PMS1: variants seen among roughly 807,000 people sequenced by gnomAD.
PMS1 encodes the protein PMS1 protein homolog 1.
In PMS1, 79 loss-of-function variants were observed where a neutral mutation model predicts 93.1. That is an observed-to-expected ratio of 0.85 (90% CI 0.71 to 1.02). PMS1 has a LOEUF of 1.02. Among genes scored for constraint, PMS1 ranks in the 50% least tolerant of loss-of-function variants. The pLI, the probability that PMS1 is intolerant of heterozygous loss-of-function variation, is 0.00. For missense variants in PMS1, 1,064 were observed against 1,085.3 expected, an observed-to-expected ratio of 0.98 and a Z score of 0.28; for synonymous variants, 335 against 363.4, an observed-to-expected ratio of 0.92 and a Z score of 0.89.
intron 10 of PMS1, among the ~76,000 whole-genome samples, chr2:189,866,880 A>C (rs544428156): frequency 1.6e-3 from 247 of 152,336 alleles, no homozygotes; most frequent in African/African-American, 5.9e-3. Context: ...ACAGTATCAT[A>C]ATCATCACCA....
rs538298219 is a variant in PMS1, at chr2:189,847,410, C to T, written c.699+3330C>T. 2.8e-4 allele frequency among the ~76,000 whole-genome samples: 42 copies of T among 151,866 alleles called. No individual in the cohort carries two copies. The South Asian group carries it at 3.7e-3, about 14-fold the overall frequency. On this transcript the variant is annotated intron_variant, in intron 6 of 12. Transcript: ENST00000441310. The stretch of plus-strand genomic sequence containing the variant: ...TCCTATTGTTTTTTCTCAGGTTTCC[C>T]GTCTTTAATTTTTTCCATAAGTTTT...
chr2:189,873,423 A>G (rs2057313787), intron 11 of PMS1, 73 bp from the exon 12 acceptor site: 11 of 1,001,012 alleles, frequency 1.1e-5, no homozygotes, highest in Admixed American at 3.8e-5. Context: ...ATGTTTTAAC[A>G]GCAATTTTTG....
Position 189,877,626 on chromosome 2 carries a change from T to C in PMS1, c.*190T>C. 1.8e-6 allele frequency: 1 copy of C among 543,566 alleles called. No individual in the cohort carries two copies. The highest frequency in any genetic ancestry group is 3.3e-6 in the Non-Finnish European group (1 of 303,984). The allele number at this position is 543,566 out of a possible 1,614,324, so 33.7% of individuals were successfully genotyped here. On this transcript the variant is annotated 3_prime_UTR_variant, in exon 13 of 13. Coordinates refer to ENST00000441310, the MANE Select transcript of PMS1 (RefSeq NM_000534.5). ...AACGTAAATAAACTAATATAGACTA[T>C]TCATTTGATTCTCAAGAACCAACCA...
chr2:189,807,515 C>G (rs1265294083), intron 4 of PMS1, among the ~76,000 whole-genome samples: 1 of 152,164 alleles, frequency 6.6e-6, no homozygotes, highest in Non-Finnish European at 1.5e-5. Context: ...TTGAAGTAAT[C>G]TAGTCGCCTT....
chr2:189,851,221 T>G (rs972597949), intron 6 of PMS1, among the ~76,000 whole-genome samples: 5 of 152,198 alleles, frequency 3.3e-5, no homozygotes, highest in Non-Finnish European at 5.9e-5. Flanking sequence ...TAGTAATTAT[T>G]AAGTGGCCAA....
At chr2:189,855,279 C>A (rs2055190519) in intron 9 of PMS1, 151 bp downstream of exon 9, 1 of 643,758 alleles carries the variant, frequency 1.6e-6, no homozygotes, top group Non-Finnish European at 2.6e-6. Context: ...TTTTTGGTAA[C>A]ACTTTTTTTT....
rs777704189 is a variant in PMS1, at chr2:189,867,898, A to G, written c.2442A>G (p.Thr814=). The part of the protein sequence containing the change: ...GSTYLSDPRL[T]ANGFKIKLIP... Reference sequence around the variant, plus strand: ...CTTACCTGTCTGATCCTCGTCTTACAGCGAATGGTTTCAAGATAAAATTGA... The same window carrying G: ...CTTACCTGTCTGATCCTCGTCTTACGGCGAATGGTTTCAAGATAAAATTGA... Residue 814 remains threonine (T), a synonymous_variant, in exon 11 of 13, where the codon ACA becomes ACG. Transcript: ENST00000441310. 2 of 1,610,624 alleles carry G rather than the reference A, an allele frequency of 1.2e-6. No individual in the cohort carries two copies. The highest frequency in any genetic ancestry group is 1.7e-6 in the Non-Finnish European group (2 of 1,176,856).
intron 9 of PMS1, among the ~76,000 whole-genome samples, chr2:189,859,307 C>A (rs2055697925): frequency 6.6e-6 from 1 of 152,068 alleles, no homozygotes; most frequent in Admixed American, 6.6e-5. Context: ...GTGTATTATC[C>A]ATAAGTTACA....
chr2:189,787,027 T>C (rs1289752467), intron 1 of PMS1, among the ~76,000 whole-genome samples: 1 of 152,156 alleles, frequency 6.6e-6, no homozygotes, highest in African/African-American at 2.4e-5. Context: ...CATTTCAGCC[T>C]GGGCAACAAG....
chr2:189,842,480 A>G (rs954361101), intron 5 of PMS1, among the ~76,000 whole-genome samples: 2 of 152,200 alleles, frequency 1.3e-5, no homozygotes, highest in African/African-American at 4.8e-5. Context: ...AAGAAATTGC[A>G]GTATGTCAAA....
chr2:189,851,006 G>A (rs1034740614), intron 6 of PMS1, among the ~76,000 whole-genome samples: 1 of 152,070 alleles, frequency 6.6e-6, no homozygotes, highest in Non-Finnish European at 1.5e-5. Context: ...AATACATTTG[G>A]GTACAGAATT....
At chr2:189,834,295 G>A (rs1274249449) in intron 5 of PMS1, among the ~76,000 whole-genome samples, 1 of 152,182 alleles carries the variant, frequency 6.6e-6, no homozygotes, top group African/African-American at 2.4e-5. Flanking sequence ...AGTCATCAGA[G>A]GTCAGAGAAA....
At chr2:189,875,592 T>G (rs1226323807) in intron 12 of PMS1, among the ~76,000 whole-genome samples, 1 of 151,916 alleles carries the variant, frequency 6.6e-6, no homozygotes, top group African/African-American at 2.4e-5. Context: ...TGATAGTGAA[T>G]AGTGAAAGGA....
chr2:189,835,898 G>GCCTGGGTGACAGAATAAGAT (rs1387110721), intron 5 of PMS1, among the ~76,000 whole-genome samples: 1 of 125,630 alleles, frequency 8.0e-6, no homozygotes, highest in African/African-American at 3.3e-5. Flanking sequence ...CTGTACTCTA[G>GCCTGGGTGACAGAATAAGAT]CCTGTCTCAA....
chr2:189,820,888 T>C (rs2051796980), intron 5 of PMS1, among the ~76,000 whole-genome samples: 1 of 152,174 alleles, frequency 6.6e-6, no homozygotes. Context: ...AAAATAAGAA[T>C]AGCAACCTGT....
At chr2:189,868,182 C>A (rs2056825426) in intron 11 of PMS1, among the ~76,000 whole-genome samples, 1 of 152,144 alleles carries the variant, frequency 6.6e-6, no homozygotes. Flanking sequence ...TAATTTTTGT[C>A]ATCCTTTGAC....
At chr2:189,806,929 T>C (rs1481559096) in intron 4 of PMS1, 1 of 210,670 alleles carries the variant, frequency 4.7e-6, no homozygotes, top group Non-Finnish European at 9.7e-6. Flanking sequence ...CTTCTCCAAT[T>C]TGTGTTGTAA....
chr2:189,851,454 GTTAA>G, intron 6 of PMS1, among the ~76,000 whole-genome samples: 1 of 152,260 alleles, frequency 6.6e-6, no homozygotes, highest in Non-Finnish European at 1.5e-5. Context: ...AAGTTTTGCA[GTTAA>G]TTAAGTAGTA....
chr2:189,813,187 G>A (rs1161574288), intron 4 of PMS1, among the ~76,000 whole-genome samples: 1 of 152,188 alleles, frequency 6.6e-6, no homozygotes, highest in Non-Finnish European at 1.5e-5. Context: ...GTAAGAAGTA[G>A]AGGGAAGAAT....
Sources: gnomAD v4.1 joint callset for allele counts (sites outside exome capture counted in the v4.1 genomes callset) on GRCh38, gnomAD v4.1.1 for gene constraint, MANE v1.5 for transcripts, NCBI Gene and HGNC (gene_info 2026-07-23, HGNC 2026-07-21) for gene names.